NF2: variants seen among roughly 807,000 people sequenced by gnomAD.
The protein encoded by NF2 is merlin.
A neutral mutation model predicts 83.7 loss-of-function variants in NF2; 8 were observed. The observed-to-expected ratio is 0.10, with a 90% CI of 0.06 to 0.17. The LOEUF is 0.17. Ranked by LOEUF, NF2 falls within the 10% of genes least tolerant of loss-of-function variation. The pLI, the probability that NF2 is intolerant of heterozygous loss-of-function variation, is 1.00. For synonymous variants in NF2, 266 were observed against 269.6 expected (o/e 0.99, Z 0.13); for missense variants, 533 against 744.4 (o/e 0.72, Z 3.31).
intron 11 of NF2, 116 bp from the exon 12 acceptor site, chr22:29,673,153 G>A (rs2066853855): frequency 1.8e-6 from 2 of 1,135,858 alleles, no homozygotes; most frequent in Non-Finnish European, 2.6e-6. Flanking sequence ...AGGGCACTCA[G>A]CAGCAGGGCC....
chr22:29,616,277 CTACTGAATTAT>C (rs2065078845), intron 1 of NF2, among the ~76,000 whole-genome samples: 1 of 152,040 alleles, frequency 6.6e-6, no homozygotes, highest in Non-Finnish European at 1.5e-5. Flanking sequence ...GTACTAAAAA[CTACTGAATTAT>C]ACACTTTAAA....
chr22:29,641,179 T>TC (rs564157878), intron 3 of NF2, among the ~76,000 whole-genome samples: 50,206 of 152,002 alleles, frequency 0.33, 8,537 homozygotes, highest in South Asian at 0.5. Flanking sequence ...CGTTGCTTTT[T>TC]CCCCCCTCTC....
At chr22:29,605,497 A>G (rs1424427529) in intron 1 of NF2, among the ~76,000 whole-genome samples, 2 of 152,016 alleles carry the variant, frequency 1.3e-5, no homozygotes, top group African/African-American at 2.4e-5. Flanking sequence ...TTTTGTAAAG[A>G]CAGGGTTTTG....
chr22:29,619,140 G>T (rs1447362149), intron 1 of NF2, among the ~76,000 whole-genome samples: 1 of 151,928 alleles, frequency 6.6e-6, no homozygotes, highest in Non-Finnish European at 1.5e-5. Flanking sequence ...TGCCTCCTGG[G>T]TTCAAGTGAT....
chr22:29,679,051 T>A (rs1601660674), intron 14 of NF2, among the ~76,000 whole-genome samples: 1 of 152,060 alleles, frequency 6.6e-6, no homozygotes, highest in African/African-American at 2.4e-5. Context: ...GTGTCAGGGG[T>A]TTTGGCTTTT....
At chr22:29,693,048 C>T (rs568345012) in intron 15 of NF2, among the ~76,000 whole-genome samples, 4 of 152,196 alleles carry the variant, frequency 2.6e-5, no homozygotes, top group African/African-American at 9.6e-5. Context: ...GAAACCTGAG[C>T]GGAGATACTG....
At chr22:29,633,214 A>T (rs1360421905) in intron 1 of NF2, among the ~76,000 whole-genome samples, 1 of 152,218 alleles carries the variant, frequency 6.6e-6, no homozygotes, top group Non-Finnish European at 1.5e-5. Flanking sequence ...TAGGGCTTTA[A>T]ATCAAATATG....
intron 4 of NF2, among the ~76,000 whole-genome samples, chr22:29,651,430 A>G (rs546621904): frequency 9.2e-5 from 14 of 152,362 alleles, no homozygotes; most frequent in African/African-American, 3.4e-4. Context: ...AGGTACAGGC[A>G]TATGAAGGTG....
intron 14 of NF2, 31 bp downstream of exon 14, chr22:29,678,354 A>G (rs770502578): frequency 8.1e-6 from 13 of 1,611,192 alleles, no homozygotes; most frequent in Non-Finnish European, 1.1e-5. Flanking sequence ...TGCTGTGGGC[A>G]GCTGTGAACT....
intron 5 of NF2, among the ~76,000 whole-genome samples, chr22:29,655,305 GCTCCGCT>G (rs1312937845): frequency 6.6e-6 from 1 of 152,188 alleles, no homozygotes; most frequent in Non-Finnish European, 1.5e-5. Context: ...TTCTGACTGA[GCTCCGCT>G]GTCAGAGGTG....
At position 29,622,949 on chromosome 22, in the gene NF2, C is replaced by T. The variant is rs546562175; in HGVS notation, c.115-13802C>T. 5.5e-3 allele frequency among the ~76,000 whole-genome samples: 798 copies of T among 143,894 alleles called. 6 individuals are homozygous for T. The highest frequency in any genetic ancestry group is 0.018 in the African/African-American group (689 of 38,276). The allele number at this position is 143,894 out of a possible 152,430, so 94.4% of individuals were successfully genotyped here. ...GATTACAGGCGTGAACCACCGTGCC[C>T]GGCCTTTTTTTTTTTTTTTTTTTTT... On this transcript the variant is annotated intron_variant, in intron 1 of 15. Transcript: ENST00000338641.
intron 1 of NF2, among the ~76,000 whole-genome samples, chr22:29,619,748 G>T (rs1480336731): frequency 2.6e-5 from 4 of 152,134 alleles, no homozygotes; most frequent in African/African-American, 9.7e-5. Context: ...CACTACTCAG[G>T]TCTAGGACAG....
intron 1 of NF2, among the ~76,000 whole-genome samples, chr22:29,608,440 G>A (rs1459973735): frequency 3.3e-5 from 5 of 151,232 alleles, no homozygotes; most frequent in Non-Finnish European, 7.4e-5. Context: ...AGGCTGAGGT[G>A]GGTGGATCAC....
chr22:29,613,419 G>A (rs2065004395), intron 1 of NF2, among the ~76,000 whole-genome samples: 1 of 152,028 alleles, frequency 6.6e-6, no homozygotes, highest in African/African-American at 2.4e-5. Flanking sequence ...AGTCCAAGCT[G>A]CTTGGGAGGG....
chr22:29,620,720 G>A (rs1360924770), intron 1 of NF2, among the ~76,000 whole-genome samples: 2 of 151,370 alleles, frequency 1.3e-5, no homozygotes, highest in African/African-American at 2.4e-5. Flanking sequence ...GAGAGACTCC[G>A]ACTCCAAAAA....
At chr22:29,672,309 CTTTTTTTTTT>C (rs779561094) in intron 11 of NF2, among the ~76,000 whole-genome samples, 101 of 123,614 alleles carry the variant, frequency 8.2e-4, no homozygotes, top group African/African-American at 2.9e-3. Flanking sequence ...CCACATGTCT[CTTTTTTTTTT>C]TTTTTTTTTT....
Position 29,665,074 on chromosome 22 carries a change from G to C in NF2, c.885+10G>C, listed in dbSNP as rs369317112. On this transcript the variant is annotated intron_variant, in intron 9 of 15. Transcript: ENST00000338641. ...TCGTGTTAATAAGCTGGTAAGTTGA[G>C]ATCCTGGTTTTCATTACTGATAATG... The C allele has an allele frequency of 1.0e-5, 16 of 1,606,274 alleles. No individual in the cohort carries two copies. Among genetic ancestry groups the C allele is most frequent in the Non-Finnish European group, 1.4e-5 (16 of 1,172,912 alleles).
Position 29,695,206 on chromosome 22 carries a change from A to C in NF2, c.*404A>C, listed in dbSNP as rs2067515596. ...CTGAGAAGCCAGTGCCATCATCCCC[A>C]CCCCGCCCAGGGTTCCGGAACATTC... is the stretch of plus-strand genomic sequence containing the variant. On this transcript the variant is annotated 3_prime_UTR_variant, in exon 16 of 16. Coordinates refer to ENST00000338641, the MANE Select transcript of NF2 (RefSeq NM_000268.4). This position sits in a 1 kb window ranked among gnomAD's most constrained non-coding sequence, Gnocchi z 5.4. 5.2e-6 allele frequency: 2 copies of C among 382,400 alleles called. No homozygotes were observed. The highest frequency in any genetic ancestry group is 9.8e-6 in the Non-Finnish European group (2 of 203,604). 23.7% of individuals were successfully genotyped at this position (382,400 alleles called of 1,614,324 possible).
chr22:29,641,670 C>T (rs554084294), intron 3 of NF2, among the ~76,000 whole-genome samples: 2 of 152,310 alleles, frequency 1.3e-5, no homozygotes, highest in Admixed American at 6.5e-5. Flanking sequence ...ATTATATTTC[C>T]TGGACCTCAC....
Sources: allele counts gnomAD v4.1 joint callset (sites outside exome capture counted in the v4.1 genomes callset), GRCh38; gene constraint gnomAD v4.1.1; non-coding constraint Gnocchi (gnomAD v3.1); transcripts MANE v1.5; gene names NCBI Gene and HGNC (gene_info 2026-07-23, HGNC 2026-07-21).